Variants in FAM43B observed in about 807,000 individuals in gnomAD.
FAM43B encodes protein FAM43B.
In FAM43B, 17 loss-of-function variants were observed where a neutral mutation model predicts 20.1. The observed-to-expected ratio is 0.84, with a 90% CI of 0.58 to 1.27. The LOEUF (loss-of-function observed/expected upper bound fraction) is 1.27. FAM43B is among the 50% of genes most tolerant of loss of function. The pLI is 0.00. For missense variants in FAM43B, 512 were observed against 516.7 expected (o/e 0.99, Z 0.09); for synonymous variants, 208 against 238.5 (o/e 0.87, Z 1.18).
chr1:20,553,342 G>T lies in FAM43B; in HGVS notation c.369G>T (p.Pro123=). The T allele has an allele frequency of 6.6e-7, 1 of 1,514,928 alleles. No homozygotes were observed. Among genetic ancestry groups the T allele is most frequent in the South Asian group, 1.3e-5 (1 of 77,638 alleles). The allele number at this position is 1,514,928 out of a possible 1,614,324, so 93.8% of individuals were successfully genotyped here. The change falls in exon 1 of 1, where the codon CCG becomes CCT. Residue 123 remains proline (P), a synonymous_variant. Coordinates refer to ENST00000332947, the MANE Select transcript of FAM43B (RefSeq NM_207334.3). The surrounding 1 kb of genome is among the most constrained non-coding windows in gnomAD (Gnocchi z 6.5). Reference sequence around the variant, plus strand: ...GGCCGCACGGCATCCGCATGCAGCCGTGCGAGCGCAGCGCCGCCGGGGGTT... The same window carrying T: ...GGCCGCACGGCATCCGCATGCAGCCTTGCGAGCGCAGCGCCGCCGGGGGTT... ...TLGPHGIRMQ[P]CERSAAGGSG...
rs2052165685 is a variant in FAM43B at position 20,553,996 on chromosome 1, C to T, written c.*33C>T. 19 of 1,208,196 alleles carry T rather than the reference C, an allele frequency of 1.6e-5. No individual in the cohort carries two copies. In the South Asian group the frequency reaches 2.9e-4, roughly 18 times the overall value. 74.8% of individuals were successfully genotyped at this position (1,208,196 alleles called of 1,614,324 possible). Reference sequence around the variant, plus strand: ...AGGACAGGACTCGCAGCCCCAGGCCCGACCCGCCAGACTCACAGCCTCCAA... The same window carrying T: ...AGGACAGGACTCGCAGCCCCAGGCCTGACCCGCCAGACTCACAGCCTCCAA... On this transcript the variant is annotated 3_prime_UTR_variant, in exon 1 of 1. Coordinates refer to ENST00000332947, the MANE Select transcript of FAM43B (RefSeq NM_207334.3). The surrounding 1 kb of genome is among the most constrained non-coding windows in gnomAD (Gnocchi z 6.5).
At position 20,553,946 on chromosome 1, in the gene FAM43B, G is replaced by T; in HGVS notation, c.973G>T (p.Ala325Ser). ...CTGGAAGGCCGGCCCCAGGGAGCGGGCGGGCCAGGCGCGCTGAGAGCCGAA... is the reference window on the plus strand; with the variant it reads ...CTGGAAGGCCGGCCCCAGGGAGCGGTCGGGCCAGGCGCGCTGAGAGCCGAA... ...RRWKAGPRER[A>S]GQAR Residue 325 changes from alanine to serine, a missense_variant, in exon 1 of 1, where the codon GCG (alanine) becomes TCG (serine). Coordinates refer to ENST00000332947, the MANE Select transcript of FAM43B (RefSeq NM_207334.3). This position sits in a 1 kb window ranked among gnomAD's most constrained non-coding sequence, Gnocchi z 6.5. 8.2e-7 allele frequency: 1 copy of T among 1,226,540 alleles called. No individual in the cohort carries two copies. Among genetic ancestry groups the T allele is most frequent in the Non-Finnish European group, 1.0e-6 (1 of 987,512 alleles). 76.0% of individuals were successfully genotyped at this position (1,226,540 alleles called of 1,614,324 possible). A position where few individuals can be genotyped will look rare whatever the true frequency, so the allele number is the denominator to read the frequency against.
In FAM43B at chr1:20,553,279, C is replaced by T. The variant is rs962093202; in HGVS notation, c.306C>T (p.Cys102=). The stretch of plus-strand genomic sequence containing the variant: ...CCGTGGGCAAGATCTGGGCTCGCTG[C>T]GGGCCTGGCGGGGGCACTAAGATGA... ...DDAVGKIWAR[C]GPGGGTKMKL... is the part of the protein sequence containing the mutation. Residue 102 remains cysteine, a synonymous_variant, in exon 1 of 1, where the codon TGC becomes TGT. Coordinates refer to ENST00000332947, the MANE Select transcript of FAM43B (RefSeq NM_207334.3). The surrounding 1 kb of genome is among the most constrained non-coding windows in gnomAD (Gnocchi z 6.5). The T allele has an allele frequency of 1.2e-6, 2 of 1,607,810 alleles. No homozygotes were observed. The highest frequency in any genetic ancestry group is 1.7e-6 in the Non-Finnish European group (2 of 1,177,696).
rs1414368759 is a variant in FAM43B at position 20,553,716 on chromosome 1, C to T, written c.743C>T (p.Pro248Leu). Reference protein sequence around the residue: ...RLLNAKCAYRPPPSERSRGAP... With the variant: ...RLLNAKCAYRLPPSERSRGAP... ...CTCAATGCCAAGTGCGCCTACCGGC[C>T]GCCGCCGAGCGAGCGCAGCCGCGGG... The change falls in exon 1 of 1, where the codon CCG becomes CTG. Residue 248 changes from proline (P) to leucine (L), a missense_variant. Physicochemically the swap from Pro to Leu is moderately conservative, Grantham distance 98 (BLOSUM62 -3). Transcript: ENST00000332947. This position sits in a 1 kb window ranked among gnomAD's most constrained non-coding sequence, Gnocchi z 6.5. The T allele has an allele frequency of 4.1e-6, 6 of 1,453,098 alleles. No homozygotes were observed. The highest frequency in any genetic ancestry group is 1.5e-5 in the African/African-American group (1 of 67,476). The allele number at this position is 1,453,098 out of a possible 1,614,324, so 90.0% of individuals were successfully genotyped here.
At position 20,552,576 on chromosome 1, in the gene FAM43B, C is replaced by T. The variant is rs2052142732; in HGVS notation, c.-398C>T. 2 of 274,622 alleles carry T rather than the reference C, an allele frequency of 7.3e-6. No homozygotes were observed. The highest frequency in any genetic ancestry group is 1.0e-4 in the Admixed American group (2 of 19,074). The allele number at this position is 274,622 out of a possible 1,614,324, so 17.0% of individuals were successfully genotyped here. A position where few individuals can be genotyped will look rare whatever the true frequency, so the allele number is the denominator to read the frequency against. On this transcript the variant is annotated 5_prime_UTR_variant, in exon 1 of 1. Coordinates refer to ENST00000332947, the MANE Select transcript of FAM43B (RefSeq NM_207334.3). ...TCCCCACCGCAGCCGCGCTCTCGGT[C>T]TGCCCCACTAAGCAGCCGCCAGCGG...
Position 20,553,293 on chromosome 1 carries a change from G to A in FAM43B, c.320G>A (p.Gly107Asp). Residue 107 changes from glycine to aspartate, a missense_variant, in exon 1 of 1, where the codon GGC (glycine) becomes GAC (aspartate). By Grantham distance (94) the Gly-to-Asp change is moderately conservative (BLOSUM62 -1). Transcript: ENST00000332947. The surrounding 1 kb of genome is among the most constrained non-coding windows in gnomAD (Gnocchi z 6.5). ...KIWARCGPGG[G>D]TKMKLTLGPH... ...TGGGCTCGCTGCGGGCCTGGCGGGG[G>A]CACTAAGATGAAGCTGACGCTGGGG... 1 of 1,602,812 alleles carries A rather than the reference G, an allele frequency of 6.2e-7. No homozygotes were observed. The highest frequency in any genetic ancestry group is 8.5e-7 in the Non-Finnish European group (1 of 1,175,494).
chr1:20,553,048 G>C lies in FAM43B; in HGVS notation c.75G>C (p.Pro25=), dbSNP rs780222676. Residue 25 remains proline (P), a synonymous_variant, in exon 1 of 1, where the codon CCG becomes CCC. Transcript: ENST00000332947. The surrounding 1 kb of genome is among the most constrained non-coding windows in gnomAD (Gnocchi z 6.5). The part of the protein sequence containing the change: ...EAKCKAKSLS[P]GLAYTSLLSS... ...AGTGCAAGGCGAAGAGCCTGAGTCC[G>C]GGGCTCGCCTACACGTCGCTGCTCT... The C allele has an allele frequency of 1.9e-6, 3 of 1,613,536 alleles. No homozygotes were observed. The highest frequency in any genetic ancestry group is 2.2e-5 in the East Asian group (1 of 44,860).
rs1395200442 is a variant in FAM43B at position 20,553,485 on chromosome 1, C to T, written c.512C>T (p.Ala171Val). 1.4e-6 allele frequency: 2 copies of T among 1,403,298 alleles called. No individual in the cohort carries two copies. Among genetic ancestry groups the T allele is most frequent in the East Asian group, 5.9e-5 (2 of 33,716 alleles). 86.9% of individuals were successfully genotyped at this position (1,403,298 alleles called of 1,614,324 possible). A position where few individuals can be genotyped will look rare whatever the true frequency, so the allele number is the denominator to read the frequency against. The change falls in exon 1 of 1, where the codon GCC becomes GTC. Residue 171 changes from alanine to valine, a missense_variant. By Grantham distance (64) the Ala-to-Val change is moderately conservative. Coordinates refer to ENST00000332947, the MANE Select transcript of FAM43B (RefSeq NM_207334.3). This position sits in a 1 kb window ranked among gnomAD's most constrained non-coding sequence, Gnocchi z 6.5. ...TACCGCCACCAGGCGCGCCACAAGGCCGTGGTGCTGCGCTGCCACGCTGTG... is the reference window on the plus strand; with the variant it reads ...TACCGCCACCAGGCGCGCCACAAGGTCGTGGTGCTGCGCTGCCACGCTGTG... ...WVYRHQARHK[A>V]VVLRCHAVLL...
Position 20,552,849 on chromosome 1 carries a change from C to A in FAM43B, c.-125C>A. 8.3e-7 allele frequency: 1 copy of A among 1,200,620 alleles called. No homozygotes were observed. Among genetic ancestry groups the A allele is most frequent in the Non-Finnish European group, 1.2e-6 (1 of 867,808 alleles). 74.4% of individuals were successfully genotyped at this position (1,200,620 alleles called of 1,614,324 possible). ...CTGGGCATCTCCAGGCAACGACTGT[C>A]CCCGGCCCTGCCCAGCTTCTCGCGA... On this transcript the variant is annotated 5_prime_UTR_variant, in exon 1 of 1. Coordinates refer to ENST00000332947, the MANE Select transcript of FAM43B (RefSeq NM_207334.3).
Position 20,553,648 on chromosome 1 carries a change from G to T in FAM43B, c.675G>T (p.Gly225=). The T allele has an allele frequency of 1.6e-6, 2 of 1,287,070 alleles. No individual in the cohort carries two copies. Among genetic ancestry groups the T allele is most frequent in the Admixed American group, 4.2e-5 (1 of 24,030 alleles). The allele number at this position is 1,287,070 out of a possible 1,614,324, so 79.7% of individuals were successfully genotyped here. The change falls in exon 1 of 1, where the codon GGG becomes GGT. Residue 225 remains glycine (G), a synonymous_variant. Transcript: ENST00000332947. The surrounding 1 kb of genome is among the most constrained non-coding windows in gnomAD (Gnocchi z 6.5). ...TGCGCCAGCAGCATCTCCGCGCTGG[G>T]GGCGCCGCCGCCTCGGTGCCCCGCG... is the stretch of plus-strand genomic sequence containing the variant. The part of the protein sequence containing the change: ...RHVRQQHLRA[G]GAAASVPRAP...
Position 20,553,890 on chromosome 1 carries a change from C to T in FAM43B, c.917C>T (p.Pro306Leu). ...ELRTCSLRGA[P>L]APPPPAQPRR... The stretch of plus-strand genomic sequence containing the variant: ...AGGACGTGCAGCCTGCGGGGCGCCC[C>T]GGCGCCCCCGCCGCCCGCGCAGCCC... The change falls in exon 1 of 1, where the codon CCG becomes CTG. Residue 306 changes from proline (P) to leucine (L), a missense_variant. Coordinates refer to ENST00000332947, the MANE Select transcript of FAM43B (RefSeq NM_207334.3). The surrounding 1 kb of genome is among the most constrained non-coding windows in gnomAD (Gnocchi z 6.5). The T allele has an allele frequency of 3.1e-6, 4 of 1,291,330 alleles. No homozygotes were observed. The highest frequency in any genetic ancestry group is 2.5e-5 in the South Asian group (1 of 40,378). 80.0% of individuals were successfully genotyped at this position (1,291,330 alleles called of 1,614,324 possible).
chr1:20,554,561 A>G lies in FAM43B; in HGVS notation c.*598A>G. 1 of 167,518 alleles carries G rather than the reference A, an allele frequency of 6.0e-6. No homozygotes were observed. 10.4% of individuals were successfully genotyped at this position (167,518 alleles called of 1,614,324 possible). A position where few individuals can be genotyped will look rare whatever the true frequency, so the allele number is the denominator to read the frequency against. On this transcript the variant is annotated 3_prime_UTR_variant, in exon 1 of 1. Coordinates refer to ENST00000332947, the MANE Select transcript of FAM43B (RefSeq NM_207334.3). Reference sequence around the variant, plus strand: ...GACTTCACTGCTCTGCCTCTGGAGAACACTGGGAGAGTCCTACCGACGTTC... The same window carrying G: ...GACTTCACTGCTCTGCCTCTGGAGAGCACTGGGAGAGTCCTACCGACGTTC...
chr1:20,552,573 G>T lies in FAM43B; in HGVS notation c.-401G>T, dbSNP rs2052142704. ...GAGTCCCCACCGCAGCCGCGCTCTCGGTCTGCCCCACTAAGCAGCCGCCAG... is the reference window on the plus strand; with the variant it reads ...GAGTCCCCACCGCAGCCGCGCTCTCTGTCTGCCCCACTAAGCAGCCGCCAG... On this transcript the variant is annotated 5_prime_UTR_variant, in exon 1 of 1. Transcript: ENST00000332947. 7.5e-6 allele frequency: 2 copies of T among 267,218 alleles called. No individual in the cohort carries two copies. The highest frequency in any genetic ancestry group is 1.4e-5 in the Non-Finnish European group (2 of 139,868). 16.6% of individuals were successfully genotyped at this position (267,218 alleles called of 1,614,324 possible).
chr1:20,553,025 T>C lies in FAM43B; in HGVS notation c.52T>C (p.Cys18Arg), dbSNP rs764403535. Residue 18 changes from cysteine (C) to arginine (R), a missense_variant, in exon 1 of 1, where the codon TGC becomes CGC. Cys to Arg is a radical substitution (Grantham distance 180). Transcript: ENST00000332947. The surrounding 1 kb of genome is among the most constrained non-coding windows in gnomAD (Gnocchi z 6.5). ...CGTGCTGGTGGAGGACGAGGCCAAG[T>C]GCAAGGCGAAGAGCCTGAGTCCGGG... ...KFVLVEDEAK[C>R]KAKSLSPGLA... is the part of the protein sequence containing the mutation. 6.2e-7 allele frequency: 1 copy of C among 1,613,532 alleles called. No homozygotes were observed. The highest frequency in any genetic ancestry group is 1.3e-5 in the African/African-American group (1 of 75,018).
At position 20,554,469 on chromosome 1, in the gene FAM43B, T is replaced by C. The variant is rs956644264; in HGVS notation, c.*506T>C. The C allele has an allele frequency of 6.0e-6, 1 of 167,160 alleles. No individual in the cohort carries two copies. The highest frequency in any genetic ancestry group is 6.5e-5 in the Admixed American group (1 of 15,288). 10.4% of individuals were successfully genotyped at this position (167,160 alleles called of 1,614,324 possible). ...CGGGCCGGCGGTGGGCAGAGTCCGC[T>C]GCTATACACACAGGGAGGAATTCTC... On this transcript the variant is annotated 3_prime_UTR_variant, in exon 1 of 1. Coordinates refer to ENST00000332947, the MANE Select transcript of FAM43B (RefSeq NM_207334.3).
rs2052178345 is a variant in FAM43B, at chr1:20,554,764, C to A, written c.*801C>A. ...GGGCTCCCAAAGGAGGTAAGGAGAA[C>A]CTTTGGCAGGTGCTTAGGACACTGA... On this transcript the variant is annotated 3_prime_UTR_variant, in exon 1 of 1. Transcript: ENST00000332947. 1 of 167,142 alleles carries A rather than the reference C, an allele frequency of 6.0e-6. No individual in the cohort carries two copies. Among genetic ancestry groups the A allele is most frequent in the Non-Finnish European group, 1.5e-5 (1 of 68,154 alleles). The allele number at this position is 167,142 out of a possible 1,614,324, so 10.4% of individuals were successfully genotyped here.
chr1:20,553,332 G>A lies in FAM43B; in HGVS notation c.359G>A (p.Arg120His). Reference protein sequence around the residue: ...MKLTLGPHGIRMQPCERSAAG... With the variant: ...MKLTLGPHGIHMQPCERSAAG... Reference sequence around the variant, plus strand: ...CTGACGCTGGGGCCGCACGGCATCCGCATGCAGCCGTGCGAGCGCAGCGCC... The same window carrying A: ...CTGACGCTGGGGCCGCACGGCATCCACATGCAGCCGTGCGAGCGCAGCGCC... The change falls in exon 1 of 1, where the codon CGC becomes CAC. Residue 120 changes from arginine to histidine, a missense_variant. Coordinates refer to ENST00000332947, the MANE Select transcript of FAM43B (RefSeq NM_207334.3). The surrounding 1 kb of genome is among the most constrained non-coding windows in gnomAD (Gnocchi z 6.5). 4.5e-6 allele frequency: 7 copies of A among 1,539,746 alleles called. No individual in the cohort carries two copies. Among genetic ancestry groups the A allele is most frequent in the Non-Finnish European group, 6.1e-6 (7 of 1,148,214 alleles).
rs566733474 is a variant in FAM43B at position 20,553,994 on chromosome 1, C to T, written c.*31C>T. ...GAAGGACAGGACTCGCAGCCCCAGG[C>T]CCGACCCGCCAGACTCACAGCCTCC... On this transcript the variant is annotated 3_prime_UTR_variant, in exon 1 of 1. Transcript: ENST00000332947. This position sits in a 1 kb window ranked among gnomAD's most constrained non-coding sequence, Gnocchi z 6.5. 7.2e-4 allele frequency: 869 copies of T among 1,208,592 alleles called. 3 individuals carry two copies. The African/African-American group carries it at 0.013, about 18-fold the overall frequency. 74.9% of individuals were successfully genotyped at this position (1,208,592 alleles called of 1,614,324 possible). A position where few individuals can be genotyped will look rare whatever the true frequency, so the allele number is the denominator to read the frequency against.
chr1:20,554,027 G>C lies in FAM43B; in HGVS notation c.*64G>C. 1 of 1,202,956 alleles carries C rather than the reference G, an allele frequency of 8.3e-7. No individual in the cohort carries two copies. Among genetic ancestry groups the C allele is most frequent in the Non-Finnish European group, 1.0e-6 (1 of 966,540 alleles). 74.5% of individuals were successfully genotyped at this position (1,202,956 alleles called of 1,614,324 possible). On this transcript the variant is annotated 3_prime_UTR_variant, in exon 1 of 1. Transcript: ENST00000332947. ...GCCAGACTCACAGCCTCCAACCCCG[G>C]CCCTGCCCGCTTCGGCTGCCCCGGC...
Sources: gnomAD v4.1 joint callset for allele counts on GRCh38, gnomAD v4.1.1 for gene constraint, Gnocchi (gnomAD v3.1) non-coding constraint, MANE v1.5 for transcripts, NCBI Gene and HGNC (gene_info 2026-07-23, HGNC 2026-07-21) for gene names.